Variants in USP36 observed in about 807,000 individuals in gnomAD.
USP36 encodes the protein ubiquitin carboxyl-terminal hydrolase 36.
In USP36, 59 loss-of-function variants were observed where a neutral mutation model predicts 111.5. That is an observed-to-expected ratio of 0.53 (90% CI 0.43 to 0.66). The LOEUF is 0.66. Among genes scored for constraint, USP36 ranks in the 30% least tolerant of loss-of-function variants. The probability of loss-of-function intolerance (pLI) is 0.00; values close to 1 mark genes in which losing one functional copy is unlikely to be tolerated. For missense variants in USP36, 1,488 were observed against 1,468.0 expected (o/e 1.01, Z -0.22); for synonymous variants, 628 against 581.0 (o/e 1.08, Z -1.16).
intron 15 of USP36, among the ~76,000 whole-genome samples, chr17:78,804,685 A>G (rs2093850196): frequency 6.7e-6 from 1 of 149,630 alleles, no homozygotes; most frequent in African/African-American, 2.5e-5. Context: ...AAAGTCAAAA[A>G]AAAAATTTTT....
intron 13 of USP36, 121 bp from the exon 14 acceptor site, chr17:78,807,757 T>G: frequency 3.0e-6 from 3 of 994,662 alleles, no homozygotes; most frequent in Non-Finnish European, 4.2e-6. Flanking sequence ...ATGCTCAAGA[T>G]AAATTATTTA....
At chr17:78,825,868 G>A (rs951831015) in intron 6 of USP36, among the ~76,000 whole-genome samples, 4 of 152,126 alleles carry the variant, frequency 2.6e-5, no homozygotes, top group African/African-American at 7.2e-5. Flanking sequence ...GCAGGCCCTC[G>A]GGGGTCACTT....
intron 10 of USP36, among the ~76,000 whole-genome samples, chr17:78,817,785 A>G (rs2094222294): frequency 6.6e-6 from 1 of 152,078 alleles, no homozygotes; most frequent in Admixed American, 6.5e-5. Flanking sequence ...ATCTTCTATG[A>G]AAATGCCACT....
intron 10 of USP36, among the ~76,000 whole-genome samples, chr17:78,817,085 T>G (rs1166339273): frequency 6.6e-6 from 1 of 152,182 alleles, no homozygotes; most frequent in Non-Finnish European, 1.5e-5. Flanking sequence ...CTGTACCTTC[T>G]CTATGTTTAG....
intron 13 of USP36, among the ~76,000 whole-genome samples, chr17:78,808,791 C>A (rs535550662): frequency 6.6e-6 from 1 of 151,978 alleles, no homozygotes; most frequent in Non-Finnish European, 1.5e-5. Flanking sequence ...AGGCTGTACC[C>A]GTTATCTCTC....
In USP36 at chr17:78,828,909, G is replaced by A. The variant is rs1304506625; in HGVS notation, c.574C>T (p.Arg192Ter). 1.2e-6 allele frequency: 2 copies of A among 1,614,092 alleles called. No homozygotes were observed. The highest frequency in any genetic ancestry group is 1.7e-6 in the Non-Finnish European group (2 of 1,179,996). Residue 192 changes from arginine (R) to a stop codon, truncating the protein, a stop_gained, in exon 5 of 21, where the codon CGA (arginine) becomes TGA (stop). Coordinates refer to ENST00000449938, the MANE Select transcript of USP36 (RefSeq NM_001385174.1). LOFTEE classifies it high-confidence loss of function. Reference sequence around the variant, plus strand: ...GATTGATGCTTACTTTTCAGGTCTCGGATGAAGGAGACGGGCTTGATGGCG... The same window carrying A: ...GATTGATGCTTACTTTTCAGGTCTCAGATGAAGGAGACGGGCTTGATGGCG... The part of the protein sequence containing the change: ...GNAIKPVSFI[R>*]DLKKIARHFR...
At chr17:78,834,706 G>A (rs1276274122) in intron 4 of USP36, among the ~76,000 whole-genome samples, 1 of 152,110 alleles carries the variant, frequency 6.6e-6, no homozygotes, top group Non-Finnish European at 1.5e-5. Flanking sequence ...GCCTCCCACA[G>A]GTGTGAGCCA....
At position 78,800,335 on chromosome 17, in the gene USP36, C is replaced by T. The variant is rs1369688423; in HGVS notation, c.3023-567G>A. Among the ~76,000 whole-genome samples, 3 of 152,274 alleles carry T rather than the reference C, an allele frequency of 2.0e-5. No homozygotes were observed. In the East Asian group the frequency reaches 5.8e-4, roughly 30 times the overall value. On this transcript the variant is annotated intron_variant, in intron 17 of 20. Coordinates refer to ENST00000449938, the MANE Select transcript of USP36 (RefSeq NM_001385174.1). ...TTGGCTGCTGCCATCAGGGGCCCGA[C>T]CTCCTAAGCCCTGTCCAGGGGGAAC... is the stretch of plus-strand genomic sequence containing the variant.
At chr17:78,814,774 C>A (rs1381053763) in intron 10 of USP36, among the ~76,000 whole-genome samples, 1 of 151,080 alleles carries the variant, frequency 6.6e-6, no homozygotes, top group Non-Finnish European at 1.5e-5. Flanking sequence ...TATAGCGAAA[C>A]CCCACTTCTA....
At chr17:78,835,127 G>A (rs1469968042) in intron 4 of USP36, among the ~76,000 whole-genome samples, 153 bp downstream of exon 4, 2 of 152,008 alleles carry the variant, frequency 1.3e-5, no homozygotes, top group Non-Finnish European at 2.9e-5. Flanking sequence ...TTCTGCAGCA[G>A]GCATGATTCA....
chr17:78,839,975 G>A (rs1362496480), intron 1 of USP36, among the ~76,000 whole-genome samples: 3 of 152,212 alleles, frequency 2.0e-5, no homozygotes, highest in Non-Finnish European at 4.4e-5. Flanking sequence ...AGGATGAACT[G>A]CAACGGACGC....
At chr17:78,832,255 G>A (rs528419094) in intron 4 of USP36, among the ~76,000 whole-genome samples, 45 of 152,280 alleles carry the variant, frequency 3.0e-4, no homozygotes, top group African/African-American at 9.1e-4. Context: ...CTGCTGCTCC[G>A]TGCCACGTGC....
intron 12 of USP36, 40 bp downstream of exon 12, chr17:78,813,733 G>A (rs539726006): frequency 6.3e-7 from 1 of 1,579,424 alleles, no homozygotes; most frequent in East Asian, 2.2e-5. Context: ...GAAAAGAGCA[G>A]AGGGAGTGAG....
rs373709321 is a variant in USP36, at chr17:78,813,737, G to C, written c.1265+36C>G. The C allele has an allele frequency of 2.5e-6, 4 of 1,584,172 alleles. No individual in the cohort carries two copies. In the African/African-American group the frequency reaches 4.0e-5, roughly 16 times the overall value. On this transcript the variant is annotated intron_variant, in intron 12 of 20. Transcript: ENST00000449938. ...CACCGGTATAAGAAAAGAGCAGAGG[G>C]AGTGAGCTCATCTGGGGAGGGCGTG...
chr17:78,799,872 C>T (rs2144934726), intron 17 of USP36, 104 bp from the exon 18 acceptor site: 19 of 262,446 alleles, frequency 7.2e-5, no homozygotes, highest in South Asian at 4.0e-4. Context: ...TAAGTGGATG[C>T]TTGCCTTTTT....
At chr17:78,822,408 C>T (rs2094351572) in intron 6 of USP36, among the ~76,000 whole-genome samples, 1 of 152,020 alleles carries the variant, frequency 6.6e-6, no homozygotes. Flanking sequence ...AGGGCGCCCA[C>T]CCAGCCCACC....
In USP36 at chr17:78,835,058, T is replaced by C. The variant is rs78872473; in HGVS notation, c.475+222A>G. On this transcript the variant is annotated intron_variant, in intron 4 of 20. Transcript: ENST00000449938. ...TTGAAAACGTTTCTGTCTGGGTAAT[T>C]ATTTACAGAAAAGCTTGGCGAACAC... is the stretch of plus-strand genomic sequence containing the variant. Among the ~76,000 whole-genome samples the C allele has an allele frequency of 6.5e-3, 982 of 151,494 alleles. 15 individuals are homozygous for C. The highest frequency in any genetic ancestry group is 0.023 in the African/African-American group (924 of 40,966).
intron 4 of USP36, among the ~76,000 whole-genome samples, chr17:78,831,877 A>C (rs1420927453): frequency 1.5e-5 from 2 of 133,520 alleles, no homozygotes; most frequent in Non-Finnish European, 3.1e-5. Flanking sequence ...TGGGAGGTGG[A>C]GGTTGCAGTC....
chr17:78,835,543 A>G (rs775346803), intron 3 of USP36, 42 bp from the exon 4 acceptor site: 50 of 1,550,722 alleles, frequency 3.2e-5, no homozygotes, highest in Non-Finnish European at 4.0e-5. Flanking sequence ...GGAAGACGTA[A>G]GTCCACACAC....
Sources: allele counts gnomAD v4.1 joint callset (sites outside exome capture counted in the v4.1 genomes callset), GRCh38; gene constraint gnomAD v4.1.1; transcripts MANE v1.5; gene names NCBI Gene and HGNC (gene_info 2026-07-23, HGNC 2026-07-21).